The following MARCHF7 variants were observed in gnomAD, a reference collection of about 807,000 sequenced individuals.
MARCHF7 encodes E3 ubiquitin-protein ligase MARCHF7.
In MARCHF7, 20 loss-of-function variants were observed where a neutral mutation model predicts 76.5. The observed-to-expected ratio is 0.26, with a 90% CI of 0.18 to 0.38. The LOEUF (loss-of-function observed/expected upper bound fraction) is 0.38. Among genes scored for constraint, MARCHF7 ranks in the 10% least tolerant of loss-of-function variants. The pLI, the probability that MARCHF7 is intolerant of heterozygous loss-of-function variation, is 1.00. For missense variants in MARCHF7, 797 were observed against 812.9 expected (o/e 0.98, Z 0.24); for synonymous variants, 295 against 293.0 (o/e 1.01, Z -0.07).
chr2:159,753,671 G>T (rs553148934), intron 8 of MARCHF7, among the ~76,000 whole-genome samples: 8 of 152,298 alleles, frequency 5.3e-5, no homozygotes, highest in African/African-American at 1.2e-4. Context: ...GGAATGAAAT[G>T]ATCTTATTAA....
At chr2:159,729,272 A>G (rs1702505137) in intron 4 of MARCHF7, 97 bp downstream of exon 4, 1 of 869,074 alleles carries the variant, frequency 1.2e-6, no homozygotes, top group African/African-American at 1.7e-5. Flanking sequence ...GCTGGATCTG[A>G]GGCATCCTGT....
At position 159,731,450 on chromosome 2, in the gene MARCHF7, A is replaced by G. The variant is rs569519146; in HGVS notation, c.153+2275A>G. Among the ~76,000 whole-genome samples, 249 of 152,264 alleles carry G rather than the reference A, an allele frequency of 1.6e-3. 1 individual carries two copies. Among genetic ancestry groups the G allele is most frequent in the Non-Finnish European group, 4.9e-4 (33 of 68,020 alleles). ...TTCTTCTAACTTGTTAATGTTGTAG[A>G]TTATTCAAAAAAGTTCATTTCTGGC... On this transcript the variant is annotated intron_variant, in intron 4 of 11. Transcript: ENST00000409175.
chr2:159,769,114 C>T lies in MARCHF7; in HGVS notation c.*1772C>T, dbSNP rs1034894805. On this transcript the variant is annotated 3_prime_UTR_variant, in exon 12 of 12. Transcript: ENST00000409175. ...TTGGTTATCAGTTTTAAATTCTGAA[C>T]AAAAGAGACCATACACTGCTCACTA... The T allele has an allele frequency of 6.6e-6, 1 of 152,090 alleles. No homozygotes were observed. Among genetic ancestry groups the T allele is most frequent in the African/African-American group, 2.4e-5 (1 of 41,402 alleles). 9.4% of individuals were successfully genotyped at this position (152,090 alleles called of 1,614,324 possible).
chr2:159,723,766 A>G (rs995546691), intron 3 of MARCHF7, among the ~76,000 whole-genome samples: 1 of 152,172 alleles, frequency 6.6e-6, no homozygotes, highest in Non-Finnish European at 1.5e-5. Context: ...ATGAACAGCT[A>G]AGTTTTTCCA....
In MARCHF7 at chr2:159,764,655, A is replaced by G; in HGVS notation, c.2037A>G (p.Ala679=). Residue 679 remains alanine, a synonymous_variant, in exon 11 of 12, where the codon GCA becomes GCG. Transcript: ENST00000409175. ...RFINLARTLQ[A]HMEDLETSED... ...TTAACCTTGCAAGAACTCTTCAGGC[A>G]CATATGGAAGATCTCGAAAGTAGGT... The G allele has an allele frequency of 6.2e-7, 1 of 1,603,728 alleles. No individual in the cohort carries two copies. Among genetic ancestry groups the G allele is most frequent in the African/African-American group, 1.3e-5 (1 of 74,360 alleles).
intron 4 of MARCHF7, among the ~76,000 whole-genome samples, chr2:159,731,263 A>G (rs1702755084): frequency 6.6e-6 from 1 of 152,174 alleles, no homozygotes; most frequent in African/African-American, 2.4e-5. Flanking sequence ...TTAAATGATA[A>G]TAGTGCCTGG....
intron 7 of MARCHF7, among the ~76,000 whole-genome samples, chr2:159,749,218 T>G (rs1456207861): frequency 6.6e-6 from 1 of 152,054 alleles, no homozygotes; most frequent in African/African-American, 2.4e-5. Flanking sequence ...CCTTAGGTGA[T>G]CCACCCACCT....
Position 159,745,876 on chromosome 2 carries a change from T to A in MARCHF7, c.453T>A (p.Asp151Glu), listed in dbSNP as rs2125581253. The part of the protein sequence containing the change: ...RERRDLERRT[D>E]SSISNLMDYS... ...GGAGAGATTTGGAGAGAAGAACAGA[T>A]TCCTCTATTAGTAATCTTATGGATT... is the stretch of plus-strand genomic sequence containing the variant. The change falls in exon 6 of 12, where the codon GAT (aspartate) becomes GAA (glutamate). Residue 151 changes from aspartate (D) to glutamate (E), a missense_variant. By Grantham distance (45) the Asp-to-Glu change is conservative (BLOSUM62 2). Coordinates refer to ENST00000409175, the MANE Select transcript of MARCHF7 (RefSeq NM_001282805.2). The A allele has an allele frequency of 6.2e-7, 1 of 1,613,026 alleles. No individual in the cohort carries two copies. The highest frequency in any genetic ancestry group is 8.5e-7 in the Non-Finnish European group (1 of 1,179,302).
rs199676430 is a variant in MARCHF7, at chr2:159,762,678, CTA to C, written c.1894-200_1894-199del. Among the ~76,000 whole-genome samples the C allele has an allele frequency of 1.4e-3, 213 of 152,174 alleles. 3 individuals are homozygous for C. The East Asian group carries it at 0.015, about 11-fold the overall frequency. ...TATAAAGTCATTACACTAAAGAAGA[CTA>C]TGTGAGAATAAAAAGTAAAATTTTA... On this transcript the variant is annotated intron_variant, in intron 9 of 11. Transcript: ENST00000409175.
chr2:159,762,898 AGCTCTGGTCTCTACCT>A lies in MARCHF7; in HGVS notation c.1913_1928del (p.Ser638LysfsTer15). On this transcript the variant is annotated frameshift_variant, in exon 10 of 12. Coordinates refer to ENST00000409175, the MANE Select transcript of MARCHF7 (RefSeq NM_001282805.2). LOFTEE classifies it high-confidence loss of function. ...GTTGAAGGCTGAGTATGAGTTTATCAGCTCTGGTCTCTACCTAGTGGTGTTATTGCACTTGTGCGAA... is the reference window on the plus strand; with the variant it reads ...GTTGAAGGCTGAGTATGAGTTTATCAAGTGGTGTTATTGCACTTGTGCGAA... 1 of 1,608,170 alleles carries A rather than the reference AGCTCTGGTCTCTACCT, an allele frequency of 6.2e-7. No homozygotes were observed. The highest frequency in any genetic ancestry group is 8.5e-7 in the Non-Finnish European group (1 of 1,178,014).
At chr2:159,763,964 A>G (rs1707408578) in intron 10 of MARCHF7, among the ~76,000 whole-genome samples, 1 of 152,200 alleles carries the variant, frequency 6.6e-6, no homozygotes, top group Non-Finnish European at 1.5e-5. Flanking sequence ...GTGAGCCCCT[A>G]AAACCTTAAT....
chr2:159,755,521 C>A (rs1706186176), intron 8 of MARCHF7, among the ~76,000 whole-genome samples: 1 of 152,020 alleles, frequency 6.6e-6, no homozygotes, highest in Non-Finnish European at 1.5e-5. Context: ...TCCTGAGTTA[C>A]AAGGGACTGT....
At chr2:159,746,560 C>A (rs546812608) in intron 6 of MARCHF7, among the ~76,000 whole-genome samples, 2 of 152,202 alleles carry the variant, frequency 1.3e-5, no homozygotes, top group East Asian at 3.8e-4. Context: ...TGCCACCATG[C>A]CCAGCTAATT....
chr2:159,739,568 T>G (rs989094307), intron 4 of MARCHF7, among the ~76,000 whole-genome samples: 2 of 152,208 alleles, frequency 1.3e-5, no homozygotes, highest in Non-Finnish European at 2.9e-5. Context: ...ATTCCCTGAT[T>G]TCATTTGGCC....
intron 4 of MARCHF7, among the ~76,000 whole-genome samples, chr2:159,741,393 C>T (rs1704107236): frequency 6.6e-6 from 1 of 152,062 alleles, no homozygotes; most frequent in Non-Finnish European, 1.5e-5. Context: ...ATGGTTTATA[C>T]GTCTTTTTGT....
At chr2:159,764,255 T>TGTGTGTGTGTGTGTGTGCGC (rs10592175) in intron 10 of MARCHF7, among the ~76,000 whole-genome samples, 3 of 131,370 alleles carry the variant, frequency 2.3e-5, no homozygotes, top group African/African-American at 9.1e-5. Flanking sequence ...TGTGTGTGTG[T>TGTGTGTGTGTGTGTGTGCGC]GCGCGCGCCC....
chr2:159,718,427 G>A (rs1701274807), intron 3 of MARCHF7, among the ~76,000 whole-genome samples: 1 of 152,142 alleles, frequency 6.6e-6, no homozygotes, highest in South Asian at 2.1e-4. Flanking sequence ...TAATAGGGCT[G>A]AGGCATTTTT....
Position 159,733,847 on chromosome 2 carries a change from T to G in MARCHF7, c.153+4672T>G, listed in dbSNP as rs184446465. ...GTGGTTTCTCTCACTTACACGATTA[T>G]TATGTAATATACTTGAGCTTAAGAA... is the stretch of plus-strand genomic sequence containing the variant. On this transcript the variant is annotated intron_variant, in intron 4 of 11. Transcript: ENST00000409175. 38 of 1,183,962 alleles carry G rather than the reference T, an allele frequency of 3.2e-5. No homozygotes were observed. The African/African-American group carries it at 5.5e-4, about 17-fold the overall frequency. The allele number at this position is 1,183,962 out of a possible 1,614,324, so 73.3% of individuals were successfully genotyped here.
chr2:159,748,987 T>TTC, intron 7 of MARCHF7, 84 bp downstream of exon 7: 224 of 1,231,180 alleles, frequency 1.8e-4, no homozygotes, highest in Admixed American at 2.9e-4. Flanking sequence ...TCTTTTTTTT[T>TTC]TTTTTTTTTG....
Sources: gnomAD v4.1 joint callset for allele counts (sites outside exome capture counted in the v4.1 genomes callset) on GRCh38, gnomAD v4.1.1 for gene constraint, MANE v1.5 for transcripts, NCBI Gene and HGNC (gene_info 2026-07-23, HGNC 2026-07-21) for gene names.